TMEM229B: variants seen among roughly 807,000 people sequenced by gnomAD.
TMEM229B encodes transmembrane protein 229B.
In TMEM229B, 6 loss-of-function variants were observed where a neutral mutation model predicts 13.7. The ratio of observed to expected loss-of-function variants is 0.44; its 90% CI spans 0.24 to 0.86. TMEM229B has a LOEUF of 0.86. Among genes scored for constraint, TMEM229B ranks in the 40% least tolerant of loss-of-function variants. The pLI is 0.23. For missense variants in TMEM229B, 170 were observed against 236.0 expected, an observed-to-expected ratio of 0.72 and a Z score of 1.83; for synonymous variants, 107 against 102.1, an observed-to-expected ratio of 1.05 and a Z score of -0.29.
Position 67,473,315 on chromosome 14 carries a change from G to T in TMEM229B, c.*105C>A. The T allele has an allele frequency of 1.3e-6, 2 of 1,481,644 alleles. No individual in the cohort carries two copies. The highest frequency in any genetic ancestry group is 1.8e-6 in the Non-Finnish European group (2 of 1,090,588). The allele number at this position is 1,481,644 out of a possible 1,614,324, so 91.8% of individuals were successfully genotyped here. ...TGTGTGCCCTATAGGGCTGAGGCTT[G>T]GCCGGAGCAGGGCTTTTGCTGCATG... On this transcript the variant is annotated 3_prime_UTR_variant, in exon 3 of 3. Transcript: ENST00000554480. The surrounding 1 kb of genome is among the most constrained non-coding windows in gnomAD (Gnocchi z 6.5).
At chr14:67,517,129 G>A (rs1043236633), upstream of TMEM229B, among the ~76,000 whole-genome samples, 3 of 152,200 alleles carry the variant, frequency 2.0e-5, no homozygotes, top group African/African-American at 7.2e-5. Flanking sequence ...AGAGACGCAG[G>A]AGACAGTGTC....
chr14:67,488,882 C>T (rs1359032668), upstream of TMEM229B: 1 of 152,240 alleles, frequency 6.6e-6, no homozygotes, highest in East Asian at 1.9e-4. Flanking sequence ...CCAGACACCT[C>T]CCACTTCCTG....
At chr14:67,485,055 T>C (rs945715036) in intron 2 of TMEM229B, among the ~76,000 whole-genome samples, 1 of 152,238 alleles carries the variant, frequency 6.6e-6, no homozygotes, top group Admixed American at 6.5e-5. Flanking sequence ...ATAACGAGAA[T>C]TACCTTTAAT....
In TMEM229B at chr14:67,509,088, C is replaced by T. The variant is rs114788203; in HGVS notation, c.-192+5998G>A. Among the ~76,000 whole-genome samples the T allele has an allele frequency of 4.3e-3, 652 of 152,140 alleles. 5 individuals carry two copies. Among genetic ancestry groups the T allele is most frequent in the African/African-American group, 0.015 (613 of 41,496 alleles). Reference sequence around the variant, plus strand: ...AAATAAAAATGTTGCCCAAACAGACCGTTAAGCAAGAGGAAAATTTTGGTT... The same window carrying T: ...AAATAAAAATGTTGCCCAAACAGACTGTTAAGCAAGAGGAAAATTTTGGTT... On this transcript the variant is annotated intron_variant, in intron 1 of 2. Transcript: ENST00000357461.
chr14:67,511,813 G>T (rs10134226), intron 1 of TMEM229B, among the ~76,000 whole-genome samples: 96,397 of 151,888 alleles, frequency 0.63, 32,285 homozygotes, highest in Non-Finnish European at 0.76. Context: ...AGAGCCGAAG[G>T]CCACACTGGG....
At chr14:67,490,491 T>C (rs2140143304), upstream of TMEM229B, among the ~76,000 whole-genome samples, 1 of 152,342 alleles carries the variant, frequency 6.6e-6, no homozygotes, top group South Asian at 2.1e-4. Context: ...ACAACTCCTG[T>C]TCTGTTATTT....
At chr14:67,503,799 G>A (rs12881607) in intron 1 of TMEM229B, among the ~76,000 whole-genome samples, 109,233 of 150,490 alleles carry the variant, frequency 0.73, 41,401 homozygotes, top group Non-Finnish European at 0.85. Context: ...CACCTCCTGG[G>A]TTCAAGCAAT....
chr14:67,494,338 C>G (rs576413515), intron 1 of TMEM229B, among the ~76,000 whole-genome samples: 1 of 152,094 alleles, frequency 6.6e-6, no homozygotes, highest in Non-Finnish European at 1.5e-5. Flanking sequence ...TGAGAAAGGC[C>G]GAGAAGAGAA....
upstream of TMEM229B, among the ~76,000 whole-genome samples, chr14:67,491,613 C>T (rs1212827768): frequency 6.6e-6 from 1 of 152,212 alleles, no homozygotes; most frequent in Non-Finnish European, 1.5e-5. Context: ...TCTTATTACA[C>T]CGCACCCTGA....
rs147441533 is a variant in TMEM229B at position 67,473,459 on chromosome 14, G to A, written c.465C>T (p.Gly155=). The change falls in exon 3 of 3, where the codon GGC becomes GGT. Residue 155 remains glycine, a synonymous_variant. Transcript: ENST00000554480. This position sits in a 1 kb window ranked among gnomAD's most constrained non-coding sequence, Gnocchi z 6.5. ...DKDAEPGEPS[G]ALALANGHVK... ...CATGGCCGTTGGCCAGGGCTAGGGCGCCGCTGGGCTCCCCGGGCTCAGCGT... is the reference window on the plus strand; with the variant it reads ...CATGGCCGTTGGCCAGGGCTAGGGCACCGCTGGGCTCCCCGGGCTCAGCGT... 385 of 1,614,070 alleles carry A rather than the reference G, an allele frequency of 2.4e-4. No individual in the cohort carries two copies. Among genetic ancestry groups the A allele is most frequent in the Middle Eastern group, 3.3e-4 (2 of 6,072 alleles).
rs1014824875 is a variant in TMEM229B at position 67,472,861 on chromosome 14, G to A, written c.*559C>T. On this transcript the variant is annotated 3_prime_UTR_variant, in exon 3 of 3. Transcript: ENST00000554480. Reference sequence around the variant, plus strand: ...CGCAGGGCCCTGGGGGAGGGGAGAGGAGCCAAGGGAGGGTCTCCCAGCCCT... The same window carrying A: ...CGCAGGGCCCTGGGGGAGGGGAGAGAAGCCAAGGGAGGGTCTCCCAGCCCT... 23 of 158,578 alleles carry A rather than the reference G, an allele frequency of 1.5e-4. No individual in the cohort carries two copies. The highest frequency in any genetic ancestry group is 4.2e-5 in the Non-Finnish European group (3 of 71,674). The allele number at this position is 158,578 out of a possible 1,614,324, so 9.8% of individuals were successfully genotyped here.
intron 1 of TMEM229B, among the ~76,000 whole-genome samples, chr14:67,499,172 T>C (rs11158673): frequency 0.82 from 123,842 of 151,758 alleles, 51,371 homozygotes; most frequent in South Asian, 0.92. Context: ...CCAGGTAATT[T>C]CTTAATTTTT....
intron 1 of TMEM229B, among the ~76,000 whole-genome samples, chr14:67,506,361 G>T (rs181533901): frequency 6.6e-6 from 1 of 152,084 alleles, no homozygotes; most frequent in Admixed American, 6.5e-5. Flanking sequence ...AATCCCACTG[G>T]ATAAACATAA....
chr14:67,499,321 A>G (rs1236286782), intron 1 of TMEM229B, among the ~76,000 whole-genome samples: 1 of 152,196 alleles, frequency 6.6e-6, no homozygotes, highest in Admixed American at 6.5e-5. Context: ...TTTTATTGAT[A>G]TCAACTGGGT....
chr14:67,473,953 G>A lies in TMEM229B; in HGVS notation c.-18-12C>T, dbSNP rs13379074. The A allele has an allele frequency of 4.1e-3, 6,383 of 1,573,576 alleles. 186 individuals are homozygous for A. In the African/African-American group the frequency reaches 0.066, roughly 16 times the overall value. ...CCGACTGGGGCTGGCTGCGGGGGGC[G>A]CAAGAGAGACAGGTGAGGGCCGGGC... On this transcript the variant is annotated splice_polypyrimidine_tract_variant and intron_variant, in intron 2 of 2. Transcript: ENST00000554480. This position sits in a 1 kb window ranked among gnomAD's most constrained non-coding sequence, Gnocchi z 6.5.
At chr14:67,479,848 C>G (rs2031476257) in intron 2 of TMEM229B, among the ~76,000 whole-genome samples, 3 of 152,176 alleles carry the variant, frequency 2.0e-5, no homozygotes, top group African/African-American at 4.8e-5. Flanking sequence ...AAAATTATTG[C>G]AGGCTCTTCC....
rs1383525693 is a variant in TMEM229B, at chr14:67,503,059, A to G, written c.-192+12027T>C. On this transcript the variant is annotated intron_variant, in intron 1 of 2. Coordinates refer to the TMEM229B transcript ENST00000357461. ...AGAGCCTTGCGTAAGTTAGCAGACA[A>G]GCAGATAACCGCACGCTAACAAGCA... Among the ~76,000 whole-genome samples the G allele has an allele frequency of 2.0e-5, 3 of 152,174 alleles. No homozygotes were observed. The East Asian group carries it at 5.8e-4, about 29-fold the overall frequency.
At chr14:67,527,376 T>C (rs2033383798) in intron 1 of TMEM229B, among the ~76,000 whole-genome samples, 1 of 152,132 alleles carries the variant, frequency 6.6e-6, no homozygotes, top group Non-Finnish European at 1.5e-5. Context: ...AGCCGGAGGT[T>C]GCAGTGAGCC....
At chr14:67,488,011 G>T (rs1260885475) in intron 1 of TMEM229B, among the ~76,000 whole-genome samples, 1 of 152,184 alleles carries the variant, frequency 6.6e-6, no homozygotes, top group Non-Finnish European at 1.5e-5. Context: ...ATATGAAAGT[G>T]CTAAAGCTTC....
Sources: gnomAD v4.1 joint callset for allele counts (sites outside exome capture counted in the v4.1 genomes callset) on GRCh38, gnomAD v4.1.1 for gene constraint, Gnocchi (gnomAD v3.1) non-coding constraint, MANE v1.5 for transcripts, NCBI Gene and HGNC (gene_info 2026-07-23, HGNC 2026-07-21) for gene names.